The following SNTG1 variants were observed in gnomAD, a reference collection of about 807,000 sequenced individuals.
The protein encoded by SNTG1 is gamma-1-syntrophin.
SNTG1 carries 39 observed loss-of-function variants against 74.7 expected under a neutral mutation model. The observed-to-expected ratio is 0.52, with a 90% CI of 0.40 to 0.68. The LOEUF (loss-of-function observed/expected upper bound fraction) is 0.68. Among genes scored for constraint, SNTG1 ranks in the 30% least tolerant of loss-of-function variants. The probability of loss-of-function intolerance (pLI) is 0.00; values close to 1 mark genes in which losing one functional copy is unlikely to be tolerated. For synonymous variants in SNTG1, 254 were observed against 217.1 expected (o/e 1.17, Z -1.49); for missense variants, 685 against 609.5 (o/e 1.12, Z -1.30).
chr8:50,466,481 C>T (rs1040190280), intron 8 of SNTG1, among the ~76,000 whole-genome samples: 4 of 151,978 alleles, frequency 2.6e-5, no homozygotes, highest in Non-Finnish European at 5.9e-5. Context: ...AACATGAGCC[C>T]TTTAACTTTT....
At chr8:50,528,118 A>G (rs80033847) in intron 9 of SNTG1, among the ~76,000 whole-genome samples, 5,706 of 151,920 alleles carry the variant, frequency 0.038, 373 homozygotes, top group African/African-American at 0.13. Flanking sequence ...TCCAATCTAC[A>G]TTTCTTTAAT....
At chr8:50,543,270 G>C (rs1448948405) in intron 11 of SNTG1, among the ~76,000 whole-genome samples, 1 of 152,066 alleles carries the variant, frequency 6.6e-6, no homozygotes, top group Non-Finnish European at 1.5e-5. Flanking sequence ...TGAGGGATAG[G>C]GCTCTAGTTT....
intron 1 of SNTG1, among the ~76,000 whole-genome samples, chr8:50,053,787 T>C (rs930125800): frequency 2.0e-5 from 3 of 151,926 alleles, no homozygotes; most frequent in Non-Finnish European, 4.4e-5. Flanking sequence ...GCCATTTATT[T>C]ATCTACAACA....
chr8:50,402,183 CTGTT>C (rs750421493), intron 3 of SNTG1, 23 bp from the exon 4 acceptor site: 8 of 1,577,174 alleles, frequency 5.1e-6, no homozygotes, highest in South Asian at 2.4e-5. Context: ...AATTTTTCCT[CTGTT>C]TGTTTTTTTT....
chr8:50,473,770 G>A (rs2131765416), intron 8 of SNTG1, among the ~76,000 whole-genome samples: 1 of 152,204 alleles, frequency 6.6e-6, no homozygotes, highest in East Asian at 1.9e-4. Context: ...GATACAACAT[G>A]GATAAACCTT....
At chr8:49,969,789 CAAT>C (rs1242146725) in intron 1 of SNTG1, among the ~76,000 whole-genome samples, 1 of 152,086 alleles carries the variant, frequency 6.6e-6, no homozygotes, top group Non-Finnish European at 1.5e-5. Flanking sequence ...GTCAAAACAA[CAAT>C]GACATCATGG....
At chr8:50,277,604 G>T (rs1034737273) in intron 2 of SNTG1, among the ~76,000 whole-genome samples, 13 of 152,138 alleles carry the variant, frequency 8.5e-5, no homozygotes, top group African/African-American at 3.1e-4. Flanking sequence ...TGTGTGATAT[G>T]ATCTTACATT....
At chr8:50,297,866 G>A (rs1382411721) in intron 2 of SNTG1, among the ~76,000 whole-genome samples, 1 of 150,178 alleles carries the variant, frequency 6.7e-6, no homozygotes, top group Non-Finnish European at 1.5e-5. Context: ...GGAAGATTTG[G>A]TTGAAATATG....
chr8:50,237,425 T>A (rs1156314046), intron 2 of SNTG1, among the ~76,000 whole-genome samples: 1 of 152,184 alleles, frequency 6.6e-6, no homozygotes, highest in Non-Finnish European at 1.5e-5. Context: ...CCATCATTGC[T>A]GATCATTCAT....
At chr8:50,774,279 C>A (rs1403690817) in intron 18 of SNTG1, among the ~76,000 whole-genome samples, 4 of 151,716 alleles carry the variant, frequency 2.6e-5, no homozygotes, top group African/African-American at 7.3e-5. Flanking sequence ...CAGTGAACTC[C>A]ATGTAGAATA....
intron 2 of SNTG1, among the ~76,000 whole-genome samples, chr8:50,342,781 T>G (rs1367212437): frequency 6.6e-6 from 1 of 152,180 alleles, no homozygotes; most frequent in Non-Finnish European, 1.5e-5. Context: ...TTATATAAAT[T>G]TATTTAATGC....
chr8:50,333,313 A>G (rs1201788393), intron 2 of SNTG1, among the ~76,000 whole-genome samples: 1 of 152,254 alleles, frequency 6.6e-6, no homozygotes, highest in African/African-American at 2.4e-5. Flanking sequence ...AATGTTAATA[A>G]TGGTGTCTAA....
At chr8:50,567,689 T>A (rs1048109299) in intron 12 of SNTG1, among the ~76,000 whole-genome samples, 2 of 152,098 alleles carry the variant, frequency 1.3e-5, no homozygotes, top group African/African-American at 2.4e-5. Context: ...CCAATTTCCT[T>A]TATTTTTTAA....
At chr8:50,189,954 G>T (rs1334075842) in intron 2 of SNTG1, among the ~76,000 whole-genome samples, 1 of 152,106 alleles carries the variant, frequency 6.6e-6, no homozygotes, top group South Asian at 2.1e-4. Context: ...ACGTTTGAGT[G>T]AAGATTATTT....
intron 1 of SNTG1, among the ~76,000 whole-genome samples, chr8:49,963,721 T>C (rs1344675734): frequency 6.6e-6 from 1 of 152,244 alleles, no homozygotes; most frequent in Non-Finnish European, 1.5e-5. Context: ...GATTGTTTAA[T>C]CTCAAATGCA....
intron 1 of SNTG1, among the ~76,000 whole-genome samples, chr8:50,036,029 T>C (rs1818130424): frequency 6.6e-6 from 1 of 152,080 alleles, no homozygotes; most frequent in Non-Finnish European, 1.5e-5. Context: ...AAAAAATTGG[T>C]CTCTTTATGC....
chr8:50,522,298 T>C (rs2094185861), intron 9 of SNTG1, among the ~76,000 whole-genome samples: 3 of 152,100 alleles, frequency 2.0e-5, no homozygotes, highest in Non-Finnish European at 2.9e-5. Flanking sequence ...TGTGTTTTGA[T>C]GTGTGTTTCA....
intron 2 of SNTG1, among the ~76,000 whole-genome samples, chr8:50,316,063 T>C (rs1358301594): frequency 1.1e-4 from 17 of 152,190 alleles, no homozygotes; most frequent in African/African-American, 4.8e-5. Context: ...ACAGACATCA[T>C]GTGACATGGT....
chr8:50,144,038 C>T (rs1168503562), intron 1 of SNTG1, among the ~76,000 whole-genome samples: 1 of 152,158 alleles, frequency 6.6e-6, no homozygotes, highest in African/African-American at 2.4e-5. Flanking sequence ...AGTGATGACA[C>T]ATTTCATCAG....
Sources: gnomAD v4.1 joint callset for allele counts (sites outside exome capture counted in the v4.1 genomes callset) on GRCh38, gnomAD v4.1.1 for gene constraint, MANE v1.5 for transcripts, NCBI Gene and HGNC (gene_info 2026-07-23, HGNC 2026-07-21) for gene names.